Variants in FREM2 observed in about 807,000 individuals in gnomAD.
The protein encoded by FREM2 is FRAS1-related extracellular matrix protein 2.
A neutral mutation model predicts 219.9 loss-of-function variants in FREM2; 119 were observed. That is an observed-to-expected ratio of 0.54 (90% CI 0.47 to 0.63). FREM2 has a LOEUF of 0.63. Ranked by LOEUF, FREM2 falls within the 30% of genes least tolerant of loss-of-function variation. The pLI is 0.00. For missense variants in FREM2, 4,030 were observed against 3,993.6 expected (o/e 1.01, Z -0.25); for synonymous variants, 1,562 against 1,522.8 (o/e 1.03, Z -0.60).
chr13:38,818,302 A>G (rs976995505), intron 6 of FREM2, among the ~76,000 whole-genome samples: 1 of 152,176 alleles, frequency 6.6e-6, no homozygotes, highest in Non-Finnish European at 1.5e-5. Flanking sequence ...ACAATGGATG[A>G]ATAGATGAAA....
At chr13:38,804,584 C>G (rs1875148518) in intron 6 of FREM2, among the ~76,000 whole-genome samples, 1 of 151,870 alleles carries the variant, frequency 6.6e-6, no homozygotes, top group African/African-American at 2.4e-5. Flanking sequence ...AAAAGCTAAA[C>G]AAGAATAATT....
chr13:38,875,740 C>T (rs1878318380), intron 18 of FREM2, among the ~76,000 whole-genome samples: 1 of 152,156 alleles, frequency 6.6e-6, no homozygotes. Context: ...CATTTCTGTA[C>T]AATTATCTTT....
chr13:38,858,610 G>A (rs1056347263), intron 13 of FREM2, among the ~76,000 whole-genome samples: 2 of 152,176 alleles, frequency 1.3e-5, no homozygotes, highest in African/African-American at 2.4e-5. Flanking sequence ...CTCCTTGTGA[G>A]CTAAAATTAT....
At chr13:38,827,212 CCTCT>C (rs1374708976) in intron 6 of FREM2, among the ~76,000 whole-genome samples, 23 of 152,140 alleles carry the variant, frequency 1.5e-4, no homozygotes, top group South Asian at 2.1e-4. Flanking sequence ...AGTTATTTAA[CCTCT>C]CTGAGTCTTG....
chr13:38,861,109 C>G (rs529261284), intron 14 of FREM2, among the ~76,000 whole-genome samples: 23 of 152,224 alleles, frequency 1.5e-4, no homozygotes, highest in Middle Eastern at 3.4e-3. Flanking sequence ...TCTGTTCATA[C>G]TTTATATTTA....
chr13:38,838,821 A>G (rs986227177), intron 6 of FREM2, among the ~76,000 whole-genome samples: 2 of 151,840 alleles, frequency 1.3e-5, no homozygotes, highest in African/African-American at 2.4e-5. Context: ...CAGTTCATTT[A>G]TGTTCTCTAA....
Position 38,692,095 on chromosome 13 carries a change from A to G in FREM2, c.4751A>G (p.Asn1584Ser). The G allele has an allele frequency of 6.2e-7, 1 of 1,614,208 alleles. No homozygotes were observed. Residue 1584 changes from asparagine (N) to serine (S), a missense_variant, in exon 1 of 24, where the codon AAC (asparagine) becomes AGC (serine). Physicochemically the swap from Asn to Ser is conservative, Grantham distance 46 (BLOSUM62 1). Coordinates refer to ENST00000280481, the MANE Select transcript of FREM2 (RefSeq NM_207361.6). ...QVPIHGHLLF[N>S]NTRPVMVFTK... is the part of the protein sequence containing the mutation. ...CCTATTCATGGCCATCTCCTATTCA[A>G]CAATACCAGACCTGTCATGGTTTTT... is the stretch of plus-strand genomic sequence containing the variant.
chr13:38,735,277 G>A lies in FREM2; in HGVS notation c.5264-29027G>A, dbSNP rs527945492. Among the ~76,000 whole-genome samples the A allele has an allele frequency of 1.2e-4, 18 of 152,144 alleles. No homozygotes were observed. In the East Asian group the frequency reaches 1.7e-3, roughly 15 times the overall value. On this transcript the variant is annotated intron_variant, in intron 2 of 23. Transcript: ENST00000280481. ...ATATAGAAAATATTAAAATCATCCC[G>A]TTTATAGCAATCCTCATATTGCAAA...
intron 3 of FREM2, among the ~76,000 whole-genome samples, chr13:38,766,971 G>T (rs1299291045): frequency 6.6e-6 from 1 of 152,142 alleles, no homozygotes; most frequent in Non-Finnish European, 1.5e-5. Context: ...TATTTGCTGG[G>T]CCTACTTCCC....
Position 38,688,663 on chromosome 13 carries a change from T to C in FREM2, c.1319T>C (p.Val440Ala). Residue 440 changes from valine (V) to alanine (A), a missense_variant, in exon 1 of 24, where the codon GTG (valine) becomes GCG (alanine). This residue lies in a region of FREM2 where 3,102 missense variants were observed against 2,950.7 expected (regional missense o/e 1.05). Coordinates refer to ENST00000280481, the MANE Select transcript of FREM2 (RefSeq NM_207361.6). ...AAGCCCATGAACACAATGGCTCCGG[T>C]GGTCACCCGGAATACCGGTCTTATT... is the stretch of plus-strand genomic sequence containing the variant. ...VVKPMNTMAP[V>A]VTRNTGLILY... 1 of 1,614,034 alleles carries C rather than the reference T, an allele frequency of 6.2e-7. No homozygotes were observed. Among genetic ancestry groups the C allele is most frequent in the Non-Finnish European group, 8.5e-7 (1 of 1,179,958 alleles).
At chr13:38,809,538 T>C (rs186564083) in intron 6 of FREM2, among the ~76,000 whole-genome samples, 1 of 152,238 alleles carries the variant, frequency 6.6e-6, no homozygotes, top group African/African-American at 2.4e-5. Context: ...TTCATTATTC[T>C]GCATATGAAT....
intron 2 of FREM2, among the ~76,000 whole-genome samples, chr13:38,743,417 C>T (rs1468266569): frequency 6.6e-6 from 1 of 151,840 alleles, no homozygotes; most frequent in Non-Finnish European, 1.5e-5. Context: ...TTATTTCAGG[C>T]CCCCAGCAGA....
intron 2 of FREM2, among the ~76,000 whole-genome samples, chr13:38,701,104 A>G (rs958191046): frequency 1.3e-5 from 2 of 152,070 alleles, no homozygotes; most frequent in Non-Finnish European, 2.9e-5. Flanking sequence ...TACTAAGTCT[A>G]GTACCCAATA....
intron 6 of FREM2, among the ~76,000 whole-genome samples, chr13:38,804,156 A>C (rs1875129054): frequency 2.0e-5 from 3 of 152,038 alleles, no homozygotes; most frequent in Admixed American, 1.3e-4. Context: ...TAGAAAAATG[A>C]GTTTCTAATT....
Position 38,692,055 on chromosome 13 carries a change from A to G in FREM2, c.4711A>G (p.Thr1571Ala). The change falls in exon 1 of 24, where the codon ACT (threonine) becomes GCT (alanine). Residue 1571 changes from threonine (T) to alanine (A), a missense_variant. Thr to Ala is a moderately conservative substitution (Grantham distance 58). This residue lies in a region of FREM2 where 3,102 missense variants were observed against 2,950.7 expected (regional missense o/e 1.05). Transcript: ENST00000280481. ...TACTCCTGACAAGCTCCTGAAATTC[A>G]CTATCACCCAGGTGCCTATTCATGG... ...RDTPDKLLKF[T>A]ITQVPIHGHL... is the part of the protein sequence containing the mutation. The G allele has an allele frequency of 6.2e-7, 1 of 1,614,168 alleles. No homozygotes were observed. The highest frequency in any genetic ancestry group is 8.5e-7 in the Non-Finnish European group (1 of 1,180,032).
At chr13:38,717,792 C>T (rs1407017883) in intron 2 of FREM2, among the ~76,000 whole-genome samples, 14 of 152,158 alleles carry the variant, frequency 9.2e-5, no homozygotes, top group Admixed American at 9.2e-4. Flanking sequence ...TCCCACGATT[C>T]AAGCTTCACT....
chr13:38,753,937 G>T (rs7333772), intron 2 of FREM2, among the ~76,000 whole-genome samples: 1 of 148,554 alleles, frequency 6.7e-6, no homozygotes, highest in Non-Finnish European at 1.5e-5. Flanking sequence ...TGTTGCAGGG[G>T]ATCAAAATTA....
intron 1 of FREM2, among the ~76,000 whole-genome samples, chr13:38,695,300 A>G (rs1870062847): frequency 6.6e-6 from 1 of 152,114 alleles, no homozygotes; most frequent in Admixed American, 6.6e-5. Context: ...TGAACCATGA[A>G]TTATTAATTA....
rs755539033 is a variant in FREM2 at position 38,692,081 on chromosome 13, C to T, written c.4737C>T (p.Gly1579=). ...CTATCACCCAGGTGCCTATTCATGG[C>T]CATCTCCTATTCAACAATACCAGAC... is the stretch of plus-strand genomic sequence containing the variant. The part of the protein sequence containing the change: ...KFTITQVPIH[G]HLLFNNTRPV... The change falls in exon 1 of 24, where the codon GGC becomes GGT. Residue 1579 remains glycine, a synonymous_variant. Transcript: ENST00000280481. 11 of 1,614,038 alleles carry T rather than the reference C, an allele frequency of 6.8e-6. No individual in the cohort carries two copies. Among genetic ancestry groups the T allele is most frequent in the Admixed American group, 3.3e-5 (2 of 60,000 alleles).
Sources: allele counts gnomAD v4.1 joint callset (sites outside exome capture counted in the v4.1 genomes callset), GRCh38; gene constraint gnomAD v4.1.1; regional missense constraint gnomAD v4.1.1; transcripts MANE v1.5; gene names NCBI Gene and HGNC (gene_info 2026-07-23, HGNC 2026-07-21).